PLCL2: variants seen among roughly 807,000 people sequenced by gnomAD.
PLCL2 encodes phospholipase C like 2.
PLCL2 carries 4 observed loss-of-function variants against 79.6 expected under a neutral mutation model. The ratio of observed to expected loss-of-function variants is 0.05; its 90% CI spans 0.02 to 0.11. The LOEUF is 0.11. Among genes scored for constraint, PLCL2 ranks in the 10% least tolerant of loss-of-function variants. The pLI, the probability that PLCL2 is intolerant of heterozygous loss-of-function variation, is 1.00. For missense variants in PLCL2, 895 were observed against 1,291.0 expected (o/e 0.69, Z 4.70); for synonymous variants, 484 against 457.7 (o/e 1.06, Z -0.73).
chr3:16,885,313 C>G lies in PLCL2; in HGVS notation c.274C>G (p.Leu92Val), dbSNP rs572429817. 2.5e-5 allele frequency: 17 copies of G among 667,714 alleles called. No homozygotes were observed. Among genetic ancestry groups the G allele is most frequent in the Non-Finnish European group, 4.1e-5 (15 of 368,930 alleles). 41.4% of individuals were successfully genotyped at this position (667,714 alleles called of 1,614,324 possible). Residue 92 changes from leucine (L) to valine (V), a missense_variant, in exon 1 of 6, where the codon CTC (leucine) becomes GTC (valine). Around this residue, in one of 6 missense-constraint regions of PLCL2, gnomAD observed 110 missense variants for 42.9 expected, o/e 2.56. Coordinates refer to ENST00000615277, the MANE Select transcript of PLCL2 (RefSeq NM_001144382.2). ...APTPSAVVCTLPRESKPGGLP... is the reference protein window; with the variant it reads ...APTPSAVVCTVPRESKPGGLP... ...GACCCCCAGCGCGGTCGTCTGTACC[C>G]TCCCCCGGGAGAGCAAGCCGGGCGG... is the stretch of plus-strand genomic sequence containing the variant.
chr3:16,945,911 C>T (rs1488722596), intron 1 of PLCL2, among the ~76,000 whole-genome samples: 1 of 152,206 alleles, frequency 6.6e-6, no homozygotes, highest in Non-Finnish European at 1.5e-5. Flanking sequence ...CTACCTTTCC[C>T]TCTTTTCACT....
intron 1 of PLCL2, among the ~76,000 whole-genome samples, chr3:16,990,299 T>C (rs2064092039): frequency 6.6e-6 from 1 of 152,232 alleles, no homozygotes; most frequent in African/African-American, 2.4e-5. Context: ...CAGGAAGGGC[T>C]GGTGCAGAAG....
rs573383913 is a variant in PLCL2, at chr3:16,887,700, A to G, written c.327+2334A>G. On this transcript the variant is annotated intron_variant, in intron 1 of 5. Transcript: ENST00000615277. The surrounding 1 kb of genome is among the most constrained non-coding windows in gnomAD (Gnocchi z 4.1). The stretch of plus-strand genomic sequence containing the variant: ...TCCAGCATCAGGACAATATCCTAAT[A>G]GAAAACAAAGTCTTTAACATCAAAT... Among the ~76,000 whole-genome samples, 24 of 152,362 alleles carry G rather than the reference A, an allele frequency of 1.6e-4. No individual in the cohort carries two copies. The highest frequency in any genetic ancestry group is 5.5e-4 in the African/African-American group (23 of 41,578).
chr3:17,076,506 TA>T (rs1007992595), intron 5 of PLCL2, among the ~76,000 whole-genome samples: 9 of 151,728 alleles, frequency 5.9e-5, no homozygotes, highest in African/African-American at 1.7e-4. Context: ...TTCTGTGGTT[TA>T]AAAAAAAATT....
At chr3:16,994,640 T>C (rs2064135285) in intron 1 of PLCL2, among the ~76,000 whole-genome samples, 1 of 152,222 alleles carries the variant, frequency 6.6e-6, no homozygotes, top group South Asian at 2.1e-4. Flanking sequence ...ATTTTAAAAC[T>C]GTTTTTAAAA....
chr3:17,009,573 T>C lies in PLCL2; in HGVS notation c.328-101T>C. 1.6e-6 allele frequency: 1 copy of C among 623,972 alleles called. No homozygotes were observed. Among genetic ancestry groups the C allele is most frequent in the Non-Finnish European group, 2.7e-6 (1 of 367,796 alleles). The allele number at this position is 623,972 out of a possible 1,614,324, so 38.7% of individuals were successfully genotyped here. On this transcript the variant is annotated intron_variant, in intron 1 of 5. Coordinates refer to ENST00000615277, the MANE Select transcript of PLCL2 (RefSeq NM_001144382.2). The surrounding 1 kb of genome is among the most constrained non-coding windows in gnomAD (Gnocchi z 4.0). ...AGGAATCTAGAATAGGAAATCTTAA[T>C]AGTATGATTTTTTTCTAGGAAATTA...
intron 4 of PLCL2, among the ~76,000 whole-genome samples, chr3:17,052,235 G>GAAAA: frequency 1.3e-5 from 1 of 74,420 alleles, no homozygotes; most frequent in Non-Finnish European, 2.6e-5. Context: ...TGTGAATATG[G>GAAAA]CAAAAAAAAA....
At chr3:16,944,076 T>C (rs2063579632) in intron 1 of PLCL2, among the ~76,000 whole-genome samples, 1 of 152,202 alleles carries the variant, frequency 6.6e-6, no homozygotes, top group Non-Finnish European at 1.5e-5. Flanking sequence ...AAATTCTCTT[T>C]ATTGCACTTA....
intron 1 of PLCL2, among the ~76,000 whole-genome samples, chr3:17,000,462 TCTC>T (rs1373015351): frequency 6.6e-6 from 1 of 152,102 alleles, no homozygotes; most frequent in Admixed American, 6.6e-5. Flanking sequence ...ATATTCCAAA[TCTC>T]CTCTTTTGAA....
chr3:17,056,896 G>A (rs1165105382), intron 4 of PLCL2, among the ~76,000 whole-genome samples: 2 of 152,148 alleles, frequency 1.3e-5, no homozygotes, highest in South Asian at 2.1e-4. Context: ...TTGAGGGAAT[G>A]CAGGATTTGT....
At chr3:17,036,218 G>C (rs1003319247) in intron 3 of PLCL2, among the ~76,000 whole-genome samples, 1 of 152,158 alleles carries the variant, frequency 6.6e-6, no homozygotes, top group Non-Finnish European at 1.5e-5. Context: ...AGATGGAAAG[G>C]GGAGCTGGGT....
intron 1 of PLCL2, among the ~76,000 whole-genome samples, chr3:16,910,711 C>G (rs1464354427): frequency 1.7e-4 from 26 of 152,060 alleles, no homozygotes; most frequent in Admixed American, 1.7e-3. Flanking sequence ...CTAGATTTTT[C>G]CACTATATCC....
chr3:17,079,798 T>C (rs1013156356), intron 5 of PLCL2, among the ~76,000 whole-genome samples: 1 of 152,160 alleles, frequency 6.6e-6, no homozygotes, highest in Non-Finnish European at 1.5e-5. Context: ...CATGGGAAAA[T>C]TGGAGACTAA....
chr3:16,944,882 C>T (rs1013508863), intron 1 of PLCL2, among the ~76,000 whole-genome samples: 1 of 152,100 alleles, frequency 6.6e-6, no homozygotes, highest in South Asian at 2.1e-4. Context: ...ACCTCAGCCT[C>T]CCGAGTAGCT....
chr3:17,055,716 G>T (rs1364981102), intron 4 of PLCL2, among the ~76,000 whole-genome samples: 1 of 152,170 alleles, frequency 6.6e-6, no homozygotes, highest in Non-Finnish European at 1.5e-5. Flanking sequence ...AATTTGCATT[G>T]TGGTGAGCAC....
chr3:17,051,308 T>C (rs1033368888), intron 4 of PLCL2, among the ~76,000 whole-genome samples: 2 of 152,190 alleles, frequency 1.3e-5, no homozygotes, highest in African/African-American at 4.8e-5. Context: ...AAGAGTATTA[T>C]AGGATTGTTT....
At chr3:16,985,755 G>A (rs2064043638) in intron 1 of PLCL2, among the ~76,000 whole-genome samples, 1 of 152,140 alleles carries the variant, frequency 6.6e-6, no homozygotes, top group African/African-American at 2.4e-5. Flanking sequence ...GAAGGCATAG[G>A]TGTACTATAT....
intron 1 of PLCL2, among the ~76,000 whole-genome samples, chr3:16,914,104 C>A (rs547803798): frequency 6.6e-6 from 1 of 152,146 alleles, no homozygotes; most frequent in East Asian, 1.9e-4. Context: ...TGATCTTTTT[C>A]TTTCTTCTTA....
intron 3 of PLCL2, chr3:17,035,685 T>C (rs2064641513): frequency 2.2e-6 from 1 of 446,654 alleles, no homozygotes; most frequent in Non-Finnish European, 4.4e-6. Context: ...GGGTTTGTGA[T>C]TAAATTCAAA....
Sources: gnomAD v4.1 joint callset for allele counts (sites outside exome capture counted in the v4.1 genomes callset) on GRCh38, gnomAD v4.1.1 for gene constraint, gnomAD v4.1.1 regional missense constraint, Gnocchi (gnomAD v3.1) non-coding constraint, MANE v1.5 for transcripts, NCBI Gene and HGNC (gene_info 2026-07-23, HGNC 2026-07-21) for gene names.